ATF2: variants seen among roughly 807,000 people sequenced by gnomAD.
ATF2 encodes the protein cyclic AMP-dependent transcription factor ATF-2.
A neutral mutation model predicts 60.6 loss-of-function variants in ATF2; 24 were observed. The observed-to-expected ratio is 0.40, with a 90% CI of 0.29 to 0.56. ATF2 has a LOEUF of 0.56. Ranked by LOEUF, ATF2 falls within the 20% of genes least tolerant of loss-of-function variation. The pLI is 0.54. For synonymous variants in ATF2, 206 were observed against 215.4 expected, an observed-to-expected ratio of 0.96 and a Z score of 0.38; for missense variants, 433 against 607.7, an observed-to-expected ratio of 0.71 and a Z score of 3.02.
intron 4 of ATF2, among the ~76,000 whole-genome samples, chr2:175,123,134 T>A (rs1288117425): frequency 6.6e-6 from 1 of 152,028 alleles, no homozygotes; most frequent in Non-Finnish European, 1.5e-5. Flanking sequence ...CCAGGTACTG[T>A]CTTCCTATTA....
intron 1 of ATF2, among the ~76,000 whole-genome samples, chr2:175,154,781 T>C (rs1297907077): frequency 6.6e-6 from 1 of 152,234 alleles, no homozygotes; most frequent in African/African-American, 2.4e-5. Flanking sequence ...TATTTGGATA[T>C]CACTAACCTG....
intron 1 of ATF2, among the ~76,000 whole-genome samples, chr2:175,153,266 C>G (rs1416850322): frequency 6.6e-6 from 1 of 152,202 alleles, no homozygotes; most frequent in Non-Finnish European, 1.5e-5. Flanking sequence ...TTTGCCCCCA[C>G]TACCTGACTT....
intron 1 of ATF2, among the ~76,000 whole-genome samples, chr2:175,153,835 G>GAAAA (rs71031093): frequency 7.8e-6 from 1 of 129,010 alleles, no homozygotes; most frequent in African/African-American, 3.0e-5. Flanking sequence ...CTGCCTCAAA[G>GAAAA]AAAAAAAAAA....
intron 10 of ATF2, among the ~76,000 whole-genome samples, chr2:175,101,863 G>C (rs778899563): frequency 6.6e-6 from 1 of 152,040 alleles, no homozygotes; most frequent in Non-Finnish European, 1.5e-5. Context: ...AGAAGAAAAA[G>C]ATTTTAAGGG....
intron 13 of ATF2, among the ~76,000 whole-genome samples, chr2:175,077,465 T>G (rs1693417207): frequency 6.6e-6 from 1 of 152,114 alleles, no homozygotes; most frequent in Admixed American, 6.6e-5. Flanking sequence ...ACCTGTTGTT[T>G]CCTGACTTTT....
chr2:175,087,536 T>C (rs1694251442), intron 12 of ATF2, among the ~76,000 whole-genome samples: 1 of 152,192 alleles, frequency 6.6e-6, no homozygotes, highest in Non-Finnish European at 1.5e-5. Flanking sequence ...CAATCGAAAC[T>C]TTTATTGATA....
intron 3 of ATF2, 59 bp downstream of exon 3, chr2:175,136,353 A>G: frequency 6.6e-7 from 1 of 1,504,562 alleles, no homozygotes; most frequent in Non-Finnish European, 9.2e-7. Context: ...CAAGCTATAA[A>G]GATTTTTACA....
At position 175,074,598 on chromosome 2, in the gene ATF2, C is replaced by A; in HGVS notation, c.*11G>T. On this transcript the variant is annotated 3_prime_UTR_variant, in exon 14 of 14. Transcript: ENST00000264110. The stretch of plus-strand genomic sequence containing the variant: ...ATGAGTATCTAAAACTGTTGTACTG[C>A]AGGTTTTTAATCAACTTCCTGAGGG... 6.2e-7 allele frequency: 1 copy of A among 1,606,330 alleles called. No homozygotes were observed. Among genetic ancestry groups the A allele is most frequent in the Non-Finnish European group, 8.5e-7 (1 of 1,175,940 alleles).
At chr2:175,165,050 T>A (rs1228749992) in intron 1 of ATF2, among the ~76,000 whole-genome samples, 1 of 152,192 alleles carries the variant, frequency 6.6e-6, no homozygotes, top group African/African-American at 2.4e-5. Context: ...CTTGAACTCC[T>A]GACCTCAGCT....
At chr2:175,103,663 T>C (rs894717843) in intron 10 of ATF2, among the ~76,000 whole-genome samples, 5 of 150,140 alleles carry the variant, frequency 3.3e-5, no homozygotes, top group Non-Finnish European at 5.9e-5. Context: ...TATTTCTCAG[T>C]TTGTCACACA....
At chr2:175,142,444 G>A (rs902202537) in intron 2 of ATF2, among the ~76,000 whole-genome samples, 2 of 152,086 alleles carry the variant, frequency 1.3e-5, no homozygotes, top group African/African-American at 4.8e-5. Flanking sequence ...TGGGATTACA[G>A]GCCTGAGCCA....
At chr2:175,114,939 A>G in intron 7 of ATF2, 71 bp from the exon 8 acceptor site, 1 of 1,449,436 alleles carries the variant, frequency 6.9e-7, no homozygotes, top group Non-Finnish European at 9.4e-7. Flanking sequence ...AACAGAATGT[A>G]ACACACTTCT....
At chr2:175,162,400 T>C (rs1700086288) in intron 1 of ATF2, among the ~76,000 whole-genome samples, 1 of 152,240 alleles carries the variant, frequency 6.6e-6, no homozygotes, top group African/African-American at 2.4e-5. Context: ...AACGCATTCA[T>C]GCTCTGCTGA....
intron 10 of ATF2, among the ~76,000 whole-genome samples, chr2:175,111,088 GATTAAA>G (rs1323688394): frequency 1.3e-5 from 2 of 152,066 alleles, no homozygotes; most frequent in Non-Finnish European, 1.5e-5. Context: ...GTGGAGTTAG[GATTAAA>G]ATTAAAATTA....
At chr2:175,162,092 A>G (rs964096955) in intron 1 of ATF2, among the ~76,000 whole-genome samples, 3 of 152,202 alleles carry the variant, frequency 2.0e-5, no homozygotes, top group Non-Finnish European at 2.9e-5. Context: ...GCATTAAAAT[A>G]CTCAGTGTAC....
intron 2 of ATF2, among the ~76,000 whole-genome samples, chr2:175,148,942 A>G (rs1353179471): frequency 6.6e-6 from 1 of 152,168 alleles, no homozygotes; most frequent in African/African-American, 2.4e-5. Flanking sequence ...CCTAAAATGT[A>G]TAAAACCAAG....
At position 175,114,830 on chromosome 2, in the gene ATF2, A is replaced by G. The variant is rs1313715002; in HGVS notation, c.486T>C (p.Ala162=). Reference sequence around the variant, plus strand: ...CCTGTAATGATGCTGGACGAACAATAGCTGATGTGGGCTGTGCAGTTTGTG... The same window carrying G: ...CCTGTAATGATGCTGGACGAACAATGGCTGATGTGGGCTGTGCAGTTTGTG... The part of the protein sequence containing the change: ...PLAQTAQPTS[A]IVRPASLQVP... Residue 162 remains alanine, a synonymous_variant, in exon 8 of 14, where the codon GCT becomes GCC. Transcript: ENST00000264110. 2 of 1,613,866 alleles carry G rather than the reference A, an allele frequency of 1.2e-6. No individual in the cohort carries two copies. The highest frequency in any genetic ancestry group is 1.7e-6 in the Non-Finnish European group (2 of 1,179,882).
rs140000283 is a variant in ATF2 at position 175,081,397 on chromosome 2, T to G, written c.1186-632A>C. ...TAAATCTGCTAAGTCAATGGAGATT[T>G]GTCCTAATCTTCAGAATGAGTACTT... On this transcript the variant is annotated intron_variant, in intron 12 of 13. Transcript: ENST00000264110. Among the ~76,000 whole-genome samples the G allele has an allele frequency of 7.2e-5, 11 of 152,328 alleles. No homozygotes were observed. In the East Asian group the frequency reaches 1.9e-3, roughly 27 times the overall value.
chr2:175,114,516 G>T (rs1049667028), intron 8 of ATF2, 174 bp downstream of exon 8: 5 of 1,317,332 alleles, frequency 3.8e-6, no homozygotes, highest in Non-Finnish European at 1.9e-6. Flanking sequence ...CTCCCACTCT[G>T]TTAGTTAATA....
Sources: allele counts gnomAD v4.1 joint callset (sites outside exome capture counted in the v4.1 genomes callset), GRCh38; gene constraint gnomAD v4.1.1; transcripts MANE v1.5; gene names NCBI Gene and HGNC (gene_info 2026-07-23, HGNC 2026-07-21).